KCNH1: variants seen among roughly 807,000 people sequenced by gnomAD.
The protein encoded by KCNH1 is voltage-gated delayed rectifier potassium channel KCNH1.
KCNH1 carries 27 observed loss-of-function variants against 69.2 expected under a neutral mutation model. The observed-to-expected ratio is 0.39, with a 90% CI of 0.29 to 0.54. The LOEUF is 0.54. KCNH1 is among the 20% of genes least tolerant of loss of function. KCNH1 has a pLI of 0.68. For missense variants in KCNH1, 798 were observed against 1,261.6 expected, an observed-to-expected ratio of 0.63 and a Z score of 5.57; for synonymous variants, 456 against 487.7, an observed-to-expected ratio of 0.93 and a Z score of 0.86.
intron 9 of KCNH1, among the ~76,000 whole-genome samples, chr1:210,777,627 T>C (rs1683887223): frequency 6.6e-6 from 1 of 152,174 alleles, no homozygotes; most frequent in Non-Finnish European, 1.5e-5. Flanking sequence ...CATTTGTAAA[T>C]ATTATATGTA....
chr1:211,086,460 C>T (rs536400805), intron 4 of KCNH1, among the ~76,000 whole-genome samples: 10 of 152,082 alleles, frequency 6.6e-5, no homozygotes, highest in South Asian at 2.1e-4. Context: ...AACAGGGCTG[C>T]GGATGCCATG....
At chr1:210,742,514 T>C (rs1683056087) in intron 10 of KCNH1, among the ~76,000 whole-genome samples, 1 of 152,232 alleles carries the variant, frequency 6.6e-6, no homozygotes, top group South Asian at 2.1e-4. Context: ...CTCTGGGATT[T>C]CTCCTGGTAC....
chr1:210,747,140 TTTA>T (rs1683178784), intron 10 of KCNH1, among the ~76,000 whole-genome samples: 1 of 152,104 alleles, frequency 6.6e-6, no homozygotes, highest in Non-Finnish European at 1.5e-5. Context: ...AAATAATGGA[TTTA>T]TTAAGCAGAG....
chr1:210,842,731 G>A (rs1685437441), intron 7 of KCNH1, among the ~76,000 whole-genome samples: 1 of 152,058 alleles, frequency 6.6e-6, no homozygotes, highest in Admixed American at 6.6e-5. Context: ...GTGCAAGAGT[G>A]GTCTCTAGCA....
intron 7 of KCNH1, among the ~76,000 whole-genome samples, chr1:210,833,032 T>C (rs1204018078): frequency 6.6e-6 from 1 of 151,832 alleles, no homozygotes; most frequent in Non-Finnish European, 1.5e-5. Context: ...TTTAAGTTTT[T>C]CTTCTCCTCA....
chr1:210,813,991 C>T (rs967458826), intron 7 of KCNH1, among the ~76,000 whole-genome samples: 1 of 152,150 alleles, frequency 6.6e-6, no homozygotes, highest in African/African-American at 2.4e-5. Context: ...GATTGTGAGG[C>T]CTCCCCAGCC....
At chr1:211,066,055 T>C (rs1465749272) in intron 5 of KCNH1, among the ~76,000 whole-genome samples, 1 of 152,110 alleles carries the variant, frequency 6.6e-6, no homozygotes, top group Non-Finnish European at 1.5e-5. Flanking sequence ...TGAGCTCTTG[T>C]CTTAAAAAAA....
At chr1:210,726,282 A>G (rs1232750706) in intron 10 of KCNH1, among the ~76,000 whole-genome samples, 1 of 152,188 alleles carries the variant, frequency 6.6e-6, no homozygotes, top group African/African-American at 2.4e-5. Flanking sequence ...ATGTGCAATA[A>G]CACCATAAGC....
intron 7 of KCNH1, among the ~76,000 whole-genome samples, chr1:210,831,998 A>T (rs1685170653): frequency 6.6e-6 from 1 of 151,968 alleles, no homozygotes; most frequent in Admixed American, 6.6e-5. Context: ...TTCAATTTAA[A>T]TAGTTACGTG....
chr1:211,051,974 GA>G (rs5780622), intron 5 of KCNH1, among the ~76,000 whole-genome samples: 58,346 of 149,068 alleles, frequency 0.39, 11,550 homozygotes, highest in South Asian at 0.46. Context: ...GAAAGAAAAA[GA>G]AAAAAAAAAT....
chr1:210,727,486 C>G (rs1010512148), intron 10 of KCNH1, among the ~76,000 whole-genome samples: 3 of 152,142 alleles, frequency 2.0e-5, no homozygotes, highest in Admixed American at 2.0e-4. Context: ...GTGTGAGCCA[C>G]CAAAGCCTGG....
chr1:210,720,767 G>A (rs928216284), intron 10 of KCNH1, among the ~76,000 whole-genome samples: 2 of 152,128 alleles, frequency 1.3e-5, no homozygotes, highest in Non-Finnish European at 2.9e-5. Context: ...TAGGAAAAGG[G>A]GGTAGATGTC....
intron 7 of KCNH1, among the ~76,000 whole-genome samples, chr1:210,850,694 C>T (rs1419425824): frequency 1.3e-5 from 2 of 152,140 alleles, no homozygotes; most frequent in Non-Finnish European, 2.9e-5. Context: ...CAGCTCAGGC[C>T]TGACACAGCA....
chr1:210,922,255 G>A (rs1234637242), intron 6 of KCNH1, among the ~76,000 whole-genome samples: 12 of 151,866 alleles, frequency 7.9e-5, no homozygotes, highest in African/African-American at 2.2e-4. Context: ...GGTGGCAGGC[G>A]CCTGTGGTCC....
At chr1:210,802,860 C>T (rs1684457765) in intron 8 of KCNH1, among the ~76,000 whole-genome samples, 1 of 151,988 alleles carries the variant, frequency 6.6e-6, no homozygotes, top group Non-Finnish European at 1.5e-5. Context: ...ATGCATGGCA[C>T]GTGTATACCT....
At chr1:210,718,968 G>T (rs983386937) in intron 10 of KCNH1, among the ~76,000 whole-genome samples, 28 of 152,078 alleles carry the variant, frequency 1.8e-4, no homozygotes, top group African/African-American at 6.8e-4. Context: ...CAGATTTCCA[G>T]CGTGGTAGAT....
chr1:210,741,135 CTG>C (rs1280662951), intron 10 of KCNH1, among the ~76,000 whole-genome samples: 1 of 152,162 alleles, frequency 6.6e-6, no homozygotes, highest in African/African-American at 2.4e-5. Context: ...CTTCGAATGA[CTG>C]GAGTACGTAT....
intron 7 of KCNH1, among the ~76,000 whole-genome samples, chr1:210,815,025 C>G (rs1226677269): frequency 1.8e-4 from 28 of 152,098 alleles, no homozygotes. Context: ...TGCTCTGGTT[C>G]AATGATCCAA....
intron 10 of KCNH1, among the ~76,000 whole-genome samples, chr1:210,745,336 G>A (rs958795505): frequency 7.2e-5 from 11 of 152,140 alleles, no homozygotes; most frequent in African/African-American, 2.7e-4. Flanking sequence ...GTTTATGGGT[G>A]CCTTCCATCC....
Sources: gnomAD v4.1 joint callset for allele counts (sites outside exome capture counted in the v4.1 genomes callset) on GRCh38, gnomAD v4.1.1 for gene constraint, MANE v1.5 for transcripts, NCBI Gene and HGNC (gene_info 2026-07-23, HGNC 2026-07-21) for gene names.